Variants in TMEM200A observed in about 807,000 individuals in gnomAD.
TMEM200A encodes the protein transmembrane protein 200A.
TMEM200A carries 12 observed loss-of-function variants against 24.3 expected under a neutral mutation model. That is an observed-to-expected ratio of 0.49 (90% confidence interval 0.32 to 0.80). The LOEUF (loss-of-function observed/expected upper bound fraction) is 0.80, where lower values mean the gene tolerates loss of function less well. Ranked by LOEUF, TMEM200A falls within the 30% of genes least tolerant of loss-of-function variation. TMEM200A has a pLI of 0.04. For missense variants in TMEM200A, 545 were observed against 614.4 expected (o/e 0.89, Z 1.19); for synonymous variants, 224 against 224.4 (o/e 1.00, Z 0.02).
intron 2 of TMEM200A, among the ~76,000 whole-genome samples, chr6:130,428,158 A>AT (rs1203099863): frequency 6.6e-6 from 1 of 151,924 alleles, no homozygotes; most frequent in Non-Finnish European, 1.5e-5. Flanking sequence ...ATTCTTCTCA[A>AT]TTTTTTCCTT....
intron 2 of TMEM200A, among the ~76,000 whole-genome samples, chr6:130,426,462 C>G (rs866654710): frequency 4.7e-4 from 55 of 116,696 alleles, no homozygotes; most frequent in Middle Eastern, 8.0e-3. Context: ...TTTCTGCAGC[C>G]CCCCCCCCCT....
intron 1 of TMEM200A, among the ~76,000 whole-genome samples, chr6:130,370,172 G>T (rs921048828): frequency 6.6e-6 from 1 of 152,114 alleles, no homozygotes; most frequent in Non-Finnish European, 1.5e-5. Flanking sequence ...TTCTGGATAT[G>T]GAGAAAGATG....
At chr6:130,414,431 C>CAAA (rs11317905) in intron 2 of TMEM200A, among the ~76,000 whole-genome samples, 9 of 57,840 alleles carry the variant, frequency 1.6e-4, no homozygotes, top group African/African-American at 2.3e-4. Context: ...GACTCCATCT[C>CAAA]AAAAAAAAAA....
intron 2 of TMEM200A, among the ~76,000 whole-genome samples, chr6:130,413,154 C>G (rs775184799): frequency 6.6e-6 from 1 of 152,190 alleles, no homozygotes; most frequent in Non-Finnish European, 1.5e-5. Flanking sequence ...TAAGGTTGCT[C>G]TCATTCTACA....
At chr6:130,439,856 G>A (rs1033829916) in intron 2 of TMEM200A, among the ~76,000 whole-genome samples, 54 of 152,208 alleles carry the variant, frequency 3.5e-4, no homozygotes, top group African/African-American at 1.3e-3. Context: ...AATTAAATGT[G>A]GCAGCTAAGA....
At chr6:130,417,206 T>G (rs1779475580) in intron 2 of TMEM200A, among the ~76,000 whole-genome samples, 1 of 152,190 alleles carries the variant, frequency 6.6e-6, no homozygotes, top group South Asian at 2.1e-4. Context: ...TGACACATAG[T>G]AGATGCTAAT....
intron 1 of TMEM200A, among the ~76,000 whole-genome samples, chr6:130,373,494 A>G (rs140079330): frequency 8.7e-4 from 133 of 152,236 alleles, no homozygotes; most frequent in Non-Finnish European, 1.7e-3. Flanking sequence ...ATGTCTTAAT[A>G]TTTTCCAACT....
intron 1 of TMEM200A, chr6:130,381,857 T>C (rs893344604): frequency 2.1e-6 from 2 of 956,748 alleles, no homozygotes; most frequent in Non-Finnish European, 2.5e-6. Context: ...TTTGAGAAAT[T>C]GCTGACTGAA....
At chr6:130,411,001 T>C (rs991254688) in intron 2 of TMEM200A, among the ~76,000 whole-genome samples, 2 of 152,156 alleles carry the variant, frequency 1.3e-5, no homozygotes, top group Non-Finnish European at 2.9e-5. Flanking sequence ...AAACCCTGTC[T>C]CTACTAAAAA....
intron 2 of TMEM200A, among the ~76,000 whole-genome samples, chr6:130,427,932 C>G (rs1289100793): frequency 6.6e-6 from 1 of 152,058 alleles, no homozygotes; most frequent in African/African-American, 2.4e-5. Flanking sequence ...GGAAACAAAC[C>G]ATTATAAAGT....
chr6:130,408,051 C>T (rs1325186688), intron 2 of TMEM200A, among the ~76,000 whole-genome samples: 1 of 152,112 alleles, frequency 6.6e-6, no homozygotes, highest in African/African-American at 2.4e-5. Flanking sequence ...TGGTAAAGCA[C>T]GGTCAAGGAG....
At chr6:130,419,525 A>T (rs1779532248) in intron 2 of TMEM200A, among the ~76,000 whole-genome samples, 2 of 152,138 alleles carry the variant, frequency 1.3e-5, no homozygotes. Flanking sequence ...GTACTAATTT[A>T]CATTCTTACT....
chr6:130,411,059 C>T (rs1405578121), intron 2 of TMEM200A, among the ~76,000 whole-genome samples: 3 of 152,016 alleles, frequency 2.0e-5, no homozygotes, highest in East Asian at 3.9e-4. Flanking sequence ...ATCCCATCTA[C>T]TCGGAAGGCT....
intron 2 of TMEM200A, among the ~76,000 whole-genome samples, chr6:130,398,153 C>T: frequency 6.6e-6 from 1 of 151,978 alleles, no homozygotes; most frequent in Non-Finnish European, 1.5e-5. Context: ...GTCCCCGGTG[C>T]CTGTTGTTCC....
chr6:130,401,751 C>G (rs1779092754), intron 2 of TMEM200A, among the ~76,000 whole-genome samples: 1 of 151,850 alleles, frequency 6.6e-6, no homozygotes, highest in Non-Finnish European at 1.5e-5. Context: ...ATTAGTAGGT[C>G]TTTTCAGTTG....
chr6:130,437,402 C>T lies in TMEM200A; in HGVS notation c.-16-3005C>T, dbSNP rs571503418. On this transcript the variant is annotated intron_variant, in intron 2 of 2. Transcript: ENST00000296978. ...TCTGTTTTATGTGGATCTGTTAGCT[C>T]CTTCATTAGGTTTCAAGCTGTTTGA... The T allele has an allele frequency of 2.0e-5, 3 of 152,252 alleles. No individual in the cohort carries two copies. The South Asian group carries it at 6.2e-4, about 32-fold the overall frequency. 9.4% of individuals were successfully genotyped at this position (152,252 alleles called of 1,614,324 possible).
intron 1 of TMEM200A, among the ~76,000 whole-genome samples, chr6:130,383,522 T>C (rs564437093): frequency 7.9e-5 from 12 of 152,330 alleles, no homozygotes; most frequent in African/African-American, 2.9e-4. Flanking sequence ...CACTCAGCTG[T>C]GTATCCAGAC....
intron 2 of TMEM200A, among the ~76,000 whole-genome samples, chr6:130,412,565 C>T (rs1779357292): frequency 1.3e-5 from 2 of 152,150 alleles, no homozygotes; most frequent in Non-Finnish European, 2.9e-5. Context: ...CCTGTGGAGA[C>T]ACCCTCTTTA....
At chr6:130,440,052 GAGAGA>G (rs1193146067) in intron 2 of TMEM200A, among the ~76,000 whole-genome samples, 3 of 150,988 alleles carry the variant, frequency 2.0e-5, no homozygotes, top group African/African-American at 7.3e-5. Context: ...GAGAGAGAGA[GAGAGA>G]AGAGAAAGAG....
Sources: gnomAD v4.1 joint callset for allele counts (sites outside exome capture counted in the v4.1 genomes callset) on GRCh38, gnomAD v4.1.1 for gene constraint, MANE v1.5 for transcripts, NCBI Gene and HGNC (gene_info 2026-07-23, HGNC 2026-07-21) for gene names.